Variants in MOCOS observed in about 807,000 individuals in gnomAD.
MOCOS encodes the protein human molybdenum cofactor sulfurase.
MOCOS carries 86 observed loss-of-function variants against 83.6 expected under a neutral mutation model. The ratio of observed to expected loss-of-function variants is 1.03; its 90% CI spans 0.86 to 1.23. The LOEUF (loss-of-function observed/expected upper bound fraction) is 1.23. Among genes scored for constraint, MOCOS ranks in the 50% most tolerant of loss-of-function variants. MOCOS has a pLI of 0.00. For synonymous variants in MOCOS, 445 were observed against 434.7 expected (o/e 1.02, Z -0.29); for missense variants, 1,120 against 1,126.9 (o/e 0.99, Z 0.09).
chr18:36,193,887 A>C (rs1028187511), intron 1 of MOCOS, among the ~76,000 whole-genome samples: 8 of 152,372 alleles, frequency 5.3e-5, no homozygotes, highest in Non-Finnish European at 1.0e-4. Flanking sequence ...AAGTGGAAAC[A>C]ATCCAAATAT....
intron 9 of MOCOS, among the ~76,000 whole-genome samples, chr18:36,225,997 T>G (rs2091513935): frequency 6.6e-6 from 1 of 151,956 alleles, no homozygotes; most frequent in Non-Finnish European, 1.5e-5. Flanking sequence ...GATCCGTGTG[T>G]GCCTTAGAAG....
chr18:36,240,537 A>G (rs1277852466), intron 9 of MOCOS, among the ~76,000 whole-genome samples: 1 of 150,692 alleles, frequency 6.6e-6, no homozygotes, highest in Non-Finnish European at 1.5e-5. Flanking sequence ...ATTCTCTTCA[A>G]AGCTGTCAGA....
At position 36,268,800 on chromosome 18, in the gene MOCOS, A is replaced by G; in HGVS notation, c.*115A>G. The G allele has an allele frequency of 1.1e-6, 1 of 916,866 alleles. No homozygotes were observed. Among genetic ancestry groups the G allele is most frequent in the Non-Finnish European group, 1.7e-6 (1 of 588,418 alleles). The allele number at this position is 916,866 out of a possible 1,614,324, so 56.8% of individuals were successfully genotyped here. A position where few individuals can be genotyped will look rare whatever the true frequency, so the allele number is the denominator to read the frequency against. ...AATAAGGAGAGCTCTTTTTCTTTAG[A>G]GGCAGGGAATGCTCTCACCTGCTTC... On this transcript the variant is annotated 3_prime_UTR_variant, in exon 15 of 15. Transcript: ENST00000261326.
chr18:36,215,504 C>G lies in MOCOS; in HGVS notation c.1336-12C>G. On this transcript the variant is annotated splice_polypyrimidine_tract_variant and intron_variant, in intron 7 of 14. Coordinates refer to ENST00000261326, the MANE Select transcript of MOCOS (RefSeq NM_017947.4). Reference sequence around the variant, plus strand: ...GGGTCACTCTGGCTGATGCACTTCCCTCTTATCCTAGGCTGGTCATGTCTG... The same window carrying G: ...GGGTCACTCTGGCTGATGCACTTCCGTCTTATCCTAGGCTGGTCATGTCTG... The G allele has an allele frequency of 6.2e-7, 1 of 1,612,632 alleles. No homozygotes were observed. The highest frequency in any genetic ancestry group is 1.1e-5 in the South Asian group (1 of 90,684).
chr18:36,241,207 C>T (rs1300306122), intron 9 of MOCOS, among the ~76,000 whole-genome samples: 17 of 152,178 alleles, frequency 1.1e-4, no homozygotes, highest in Admixed American at 1.1e-3. Context: ...CTCAAAAGTC[C>T]ACAGTCCAAA....
At chr18:36,239,101 G>A (rs1452086136) in intron 9 of MOCOS, among the ~76,000 whole-genome samples, 2 of 149,782 alleles carry the variant, frequency 1.3e-5, no homozygotes, top group East Asian at 3.9e-4. Flanking sequence ...TTGCCAGTCT[G>A]TGTCTTTTAA....
At chr18:36,206,220 TTTTTA>T (rs2091434202) in intron 6 of MOCOS, among the ~76,000 whole-genome samples, 2 of 150,040 alleles carry the variant, frequency 1.3e-5, no homozygotes, top group Non-Finnish European at 2.9e-5. Context: ...TGGCACTTTA[TTTTTA>T]TTTTATTTTT....
Position 36,205,341 on chromosome 18 carries a change from T to C in MOCOS, c.1218+65T>C, listed in dbSNP as rs667195. Reference sequence around the variant, plus strand: ...ATCCTAGTTCCAGACGAGAGCAATGTAGTGTGACAAAGTCCATGCACTGTT... The same window carrying C: ...ATCCTAGTTCCAGACGAGAGCAATGCAGTGTGACAAAGTCCATGCACTGTT... On this transcript the variant is annotated intron_variant, in intron 6 of 14. Transcript: ENST00000261326. 1 allele frequency: 1,507,435 copies of C among 1,508,696 alleles called. 753,095 individuals carry two copies. Among genetic ancestry groups the C allele is most frequent in the East Asian group, 1 (44,342 of 44,342 alleles). The allele number at this position is 1,508,696 out of a possible 1,614,324, so 93.5% of individuals were successfully genotyped here.
In MOCOS at chr18:36,271,674, A is replaced by G. The variant is rs1477869347; in HGVS notation, c.*2989A>G. On this transcript the variant is annotated 3_prime_UTR_variant, in exon 15 of 15. Coordinates refer to ENST00000261326, the MANE Select transcript of MOCOS (RefSeq NM_017947.4). ...TTAAAAAAACTTGGTGAGAACAGACAATAACTTGTCTTTCTGGGCATTCGC... is the reference window on the plus strand; with the variant it reads ...TTAAAAAAACTTGGTGAGAACAGACGATAACTTGTCTTTCTGGGCATTCGC... 6.6e-6 allele frequency: 1 copy of G among 152,200 alleles called. No homozygotes were observed. Among genetic ancestry groups the G allele is most frequent in the African/African-American group, 2.4e-5 (1 of 41,444 alleles). 9.4% of individuals were successfully genotyped at this position (152,200 alleles called of 1,614,324 possible).
At chr18:36,226,622 C>T (rs2091516572) in intron 9 of MOCOS, among the ~76,000 whole-genome samples, 2 of 151,462 alleles carry the variant, frequency 1.3e-5, no homozygotes, top group African/African-American at 4.8e-5. Context: ...GTCTTTTCAC[C>T]TCTTGCTGTC....
chr18:36,233,429 C>T (rs904746086), intron 9 of MOCOS, among the ~76,000 whole-genome samples: 22 of 152,220 alleles, frequency 1.4e-4, no homozygotes, highest in African/African-American at 2.6e-4. Context: ...TCTTTATCCA[C>T]GCATTGGCTG....
intron 6 of MOCOS, among the ~76,000 whole-genome samples, chr18:36,208,947 G>A (rs2091444268): frequency 6.6e-6 from 1 of 152,094 alleles, no homozygotes; most frequent in Non-Finnish European, 1.5e-5. Flanking sequence ...GATGGGTCTT[G>A]TTATTTTGAT....
At chr18:36,192,764 C>T (rs919762558) in intron 1 of MOCOS, among the ~76,000 whole-genome samples, 1 of 152,134 alleles carries the variant, frequency 6.6e-6, no homozygotes, top group African/African-American at 2.4e-5. Context: ...TATCCTGCCT[C>T]AGCCTCCCAA....
chr18:36,192,408 C>T (rs890680539), intron 1 of MOCOS, among the ~76,000 whole-genome samples: 1 of 152,112 alleles, frequency 6.6e-6, no homozygotes, highest in Non-Finnish European at 1.5e-5. Flanking sequence ...AGAAGTATCA[C>T]ATACACTGAA....
At chr18:36,199,575 C>G in intron 3 of MOCOS, 108 bp from the exon 4 acceptor site, 2 of 1,552,348 alleles carry the variant, frequency 1.3e-6, no homozygotes, top group Non-Finnish European at 1.8e-6. Flanking sequence ...GCAAACCTAT[C>G]TATCCATTAA....
At chr18:36,252,385 G>A (rs897215759) in intron 11 of MOCOS, among the ~76,000 whole-genome samples, 2 of 151,904 alleles carry the variant, frequency 1.3e-5, no homozygotes, top group African/African-American at 4.8e-5. Context: ...TTATGAAACC[G>A]TATCTCTTCA....
intron 4 of MOCOS, 56 bp downstream of exon 4, chr18:36,200,380 G>T (rs1334961550): frequency 9.4e-6 from 15 of 1,599,938 alleles, no homozygotes; most frequent in Non-Finnish European, 1.3e-5. Flanking sequence ...GGTCTGGCCT[G>T]TTTCTCCTGG....
intron 9 of MOCOS, among the ~76,000 whole-genome samples, chr18:36,221,785 G>C (rs1021037801): frequency 4.1e-5 from 6 of 147,980 alleles, no homozygotes; most frequent in South Asian, 2.1e-4. Flanking sequence ...GGAGTGCAAT[G>C]GCGTGATCTC....
intron 9 of MOCOS, among the ~76,000 whole-genome samples, chr18:36,220,437 A>T (rs1018564679): frequency 3.3e-5 from 5 of 151,818 alleles, no homozygotes; most frequent in Admixed American, 1.3e-4. Context: ...TGAACCCGGG[A>T]GGTGGAGGTT....
Sources: gnomAD v4.1 joint callset for allele counts (sites outside exome capture counted in the v4.1 genomes callset) on GRCh38, gnomAD v4.1.1 for gene constraint, MANE v1.5 for transcripts, NCBI Gene and HGNC (gene_info 2026-07-23, HGNC 2026-07-21) for gene names.